GCNT4: variants seen among roughly 807,000 people sequenced by gnomAD.
GCNT4 encodes beta-1,3-galactosyl-O-glycosyl-glycoprotein beta-1,6-N-acetylglucosaminyltransferase 4.
In GCNT4, 17 loss-of-function variants were observed where a neutral mutation model predicts 31.3. The ratio of observed to expected loss-of-function variants is 0.54; its 90% confidence interval spans 0.37 to 0.81. The LOEUF is 0.81. Ranked by LOEUF, GCNT4 falls within the 40% of genes least tolerant of loss-of-function variation. The pLI is 0.00. For missense variants in GCNT4, 503 were observed against 525.5 expected (o/e 0.96, Z 0.42); for synonymous variants, 158 against 190.6 (o/e 0.83, Z 1.41).
rs919547156 is a variant in GCNT4 at position 75,026,437 on chromosome 5, C to T, written c.*2239G>A. ...CCCCAAATGGGGTTACAGGAGTTTC[C>T]TCAGATCTGGATTTGGTTACAGAAG... On this transcript the variant is annotated 3_prime_UTR_variant, in exon 4 of 4. Transcript: ENST00000652361. 5 of 152,018 alleles carry T rather than the reference C, an allele frequency of 3.3e-5. No individual in the cohort carries two copies. The highest frequency in any genetic ancestry group is 2.0e-4 in the Admixed American group (3 of 15,262). The allele number at this position is 152,018 out of a possible 1,614,324, so 9.4% of individuals were successfully genotyped here.
intron 3 of GCNT4, among the ~76,000 whole-genome samples, chr5:75,039,461 G>GATAATGATAATCGTACCTATC (rs1355337986): frequency 6.6e-6 from 1 of 152,136 alleles, no homozygotes; most frequent in African/African-American, 2.4e-5. Flanking sequence ...TATGAGATAG[G>GATAATGATAATCGTACCTATC]TACGATTATC....
chr5:75,028,937 G>A lies in GCNT4; in HGVS notation c.1101C>T (p.Arg367=). 6.2e-7 allele frequency: 1 copy of A among 1,613,866 alleles called. No homozygotes were observed. Residue 367 remains arginine, a synonymous_variant, in exon 4 of 4, where the codon CGC becomes CGT. Coordinates refer to ENST00000652361, the MANE Select transcript of GCNT4 (RefSeq NM_001366737.1). The part of the protein sequence containing the change: ...QDVSDLQSKT[R]LVKWNYYEGF... ...CTTCATAGTAATTCCACTTGACAAG[G>A]CGAGTCTTACTCTGCAGATCAGACA... is the stretch of plus-strand genomic sequence containing the variant.
chr5:75,029,016 G>C lies in GCNT4; in HGVS notation c.1022C>G (p.Thr341Ser). 6.2e-7 allele frequency: 1 copy of C among 1,614,092 alleles called. No homozygotes were observed. The stretch of plus-strand genomic sequence containing the variant: ...AGGTATTCCTGGAACCCGAATCAAG[G>C]TAGCCCAAAAGTGCTCATCAGGAGA... ...TYSPDEHFWA[T>S]LIRVPGIPGE... Residue 341 changes from threonine to serine, a missense_variant, in exon 4 of 4, where the codon ACC becomes AGC. Physicochemically the swap from Thr to Ser is moderately conservative, Grantham distance 58. Coordinates refer to ENST00000652361, the MANE Select transcript of GCNT4 (RefSeq NM_001366737.1).
chr5:75,053,821 G>C (rs1743648167), upstream of GCNT4, among the ~76,000 whole-genome samples: 1 of 152,204 alleles, frequency 6.6e-6, no homozygotes, highest in South Asian at 2.1e-4. Context: ...GGTGATCTCG[G>C]CTCTCCGCCG....
Position 75,029,864 on chromosome 5 carries a change from G to A in GCNT4, c.174C>T (p.Asn58=), listed in dbSNP as rs920272197. The A allele has an allele frequency of 2.5e-6, 4 of 1,614,130 alleles. No homozygotes were observed. Among genetic ancestry groups the A allele is most frequent in the African/African-American group, 1.3e-5 (1 of 75,036 alleles). Residue 58 remains asparagine, a synonymous_variant, in exon 4 of 4, where the codon AAC becomes AAT. Coordinates refer to ENST00000652361, the MANE Select transcript of GCNT4 (RefSeq NM_001366737.1). ...YSLSTSPFVR[N]RYTHVKDEVR... ...CTTCATCCTTAACATGAGTGTATCT[G>A]TTTCTTACAAAAGGCGAGGTACTTA...
At chr5:75,032,830 GGGTGTTGT>G (rs893258900) in intron 3 of GCNT4, among the ~76,000 whole-genome samples, 5 of 150,380 alleles carry the variant, frequency 3.3e-5, no homozygotes, top group African/African-American at 1.2e-4. Flanking sequence ...GTGTAGAATT[GGGTGTTGT>G]GGTACAGTAG....
intron 3 of GCNT4, among the ~76,000 whole-genome samples, chr5:75,043,713 A>T (rs1743371756): frequency 6.6e-6 from 1 of 152,208 alleles, no homozygotes; most frequent in South Asian, 2.1e-4. Flanking sequence ...TTCCTGTTAC[A>T]TGAGAAAAGT....
intron 3 of GCNT4, among the ~76,000 whole-genome samples, chr5:75,040,311 T>C (rs946602771): frequency 6.6e-6 from 1 of 152,154 alleles, no homozygotes; most frequent in African/African-American, 2.4e-5. Context: ...TCACACTCCT[T>C]GTTTTCTTCT....
chr5:75,039,728 A>AC (rs1439720161), intron 3 of GCNT4, among the ~76,000 whole-genome samples: 1 of 151,958 alleles, frequency 6.6e-6, no homozygotes, highest in Non-Finnish European at 1.5e-5. Context: ...AACCTCTCTA[A>AC]CCCAAGCTAG....
Position 75,028,891 on chromosome 5 carries a change from T to C in GCNT4, c.1147A>G (p.Thr383Ala). 1 of 1,614,048 alleles carries C rather than the reference T, an allele frequency of 6.2e-7. No individual in the cohort carries two copies. The highest frequency in any genetic ancestry group is 8.5e-7 in the Non-Finnish European group (1 of 1,179,994). The change falls in exon 4 of 4, where the codon ACT becomes GCT. Residue 383 changes from threonine (T) to alanine (A), a missense_variant. Coordinates refer to ENST00000652361, the MANE Select transcript of GCNT4 (RefSeq NM_001366737.1). ...CACACGCTTCGAAGGTGAGATCCAG[T>C]ACAACTGGGATAGAAAAAGCCTTCA... ...YYEGFFYPSC[T>A]GSHLRSVCIY...
chr5:75,046,897 T>C lies in GCNT4; in HGVS notation c.-2+1000A>G, dbSNP rs181521151. ...CGTGCCGTTTCTTAGATGCAGGAGA[T>C]GAAATCCTTAAGTGAAATGAGAAAG... On this transcript the variant is annotated intron_variant, in intron 3 of 3. Transcript: ENST00000652361. Among the ~76,000 whole-genome samples, 347 of 152,336 alleles carry C rather than the reference T, an allele frequency of 2.3e-3. 2 individuals carry two copies. The highest frequency in any genetic ancestry group is 4.3e-3 in the Non-Finnish European group (293 of 68,040).
At chr5:75,053,926 A>ACTGCCTTGT (rs1407500709), upstream of GCNT4, among the ~76,000 whole-genome samples, 1 of 152,156 alleles carries the variant, frequency 6.6e-6, no homozygotes, top group Admixed American at 6.5e-5. Flanking sequence ...GTCGCTCACA[A>ACTGCCTTGT]GGCAGTGACG....
At chr5:75,037,963 A>G (rs2149964681) in intron 3 of GCNT4, among the ~76,000 whole-genome samples, 1 of 152,022 alleles carries the variant, frequency 6.6e-6, no homozygotes, top group East Asian at 1.9e-4. Context: ...AAAAAAAAAA[A>G]AAATCAGAAA....
At chr5:75,033,607 A>G (rs1293765115) in intron 3 of GCNT4, among the ~76,000 whole-genome samples, 8 of 152,120 alleles carry the variant, frequency 5.3e-5, no homozygotes, top group African/African-American at 1.9e-4. Flanking sequence ...ACCCTGTCCC[A>G]AATCAAAATA....
chr5:75,048,640 T>C (rs6861101), intron 2 of GCNT4, among the ~76,000 whole-genome samples: 33,301 of 152,128 alleles, frequency 0.22, 4,059 homozygotes, highest in African/African-American at 0.34. Flanking sequence ...CTGCAAATCC[T>C]TGTTTCTATG....
intron 3 of GCNT4, among the ~76,000 whole-genome samples, chr5:75,037,946 AT>A (rs1452138974): frequency 1.7e-5 from 2 of 119,940 alleles, no homozygotes; most frequent in Non-Finnish European, 3.2e-5. Flanking sequence ...AACCACTTTC[AT>A]TAAAAAAAAA....
chr5:75,048,613 C>T lies in GCNT4; in HGVS notation c.-142-576G>A, dbSNP rs576332982. Among the ~76,000 whole-genome samples the T allele has an allele frequency of 5.3e-5, 8 of 152,288 alleles. No individual in the cohort carries two copies. In the South Asian group the frequency reaches 8.3e-4, roughly 16 times the overall value. Reference sequence around the variant, plus strand: ...ATGCGAACCACAAAGCTGCAGAATGCGAAAGCTGAATGCAGGCTGCAAATC... The same window carrying T: ...ATGCGAACCACAAAGCTGCAGAATGTGAAAGCTGAATGCAGGCTGCAAATC... On this transcript the variant is annotated intron_variant, in intron 2 of 3. Transcript: ENST00000652361.
rs1174117970 is a variant in GCNT4 at position 75,027,273 on chromosome 5, T to C, written c.*1403A>G. ...TTATATATATAATATATATTCATTATATGTTATATAATATATATTTATATA... is the reference window on the plus strand; with the variant it reads ...TTATATATATAATATATATTCATTACATGTTATATAATATATATTTATATA... On this transcript the variant is annotated 3_prime_UTR_variant, in exon 4 of 4. Transcript: ENST00000652361. The C allele has an allele frequency of 7.5e-6, 1 of 133,226 alleles. No homozygotes were observed. The highest frequency in any genetic ancestry group is 1.5e-5 in the Non-Finnish European group (1 of 64,554). The allele number at this position is 133,226 out of a possible 1,614,324, so 8.3% of individuals were successfully genotyped here.
chr5:75,048,656 T>G (rs997987722), intron 2 of GCNT4, among the ~76,000 whole-genome samples: 1 of 152,188 alleles, frequency 6.6e-6, no homozygotes, highest in East Asian at 1.9e-4. Context: ...CTATGAATAG[T>G]ACCACCCAAA....
Sources: gnomAD v4.1 joint callset for allele counts (sites outside exome capture counted in the v4.1 genomes callset) on GRCh38, gnomAD v4.1.1 for gene constraint, MANE v1.5 for transcripts, NCBI Gene and HGNC (gene_info 2026-07-23, HGNC 2026-07-21) for gene names.